Variants in PTPRM observed in about 807,000 individuals in gnomAD.
The protein encoded by PTPRM is receptor-type tyrosine-protein phosphatase mu.
Under a neutral mutation model 186.7 loss-of-function variants are expected in PTPRM, and 47 were observed. The observed-to-expected ratio is 0.25, with a 90% CI of 0.20 to 0.32. PTPRM has a LOEUF of 0.32. Among genes scored for constraint, PTPRM ranks in the 10% least tolerant of loss-of-function variants. The probability of loss-of-function intolerance (pLI) is 1.00; values close to 1 mark genes in which losing one functional copy is unlikely to be tolerated. For synonymous variants in PTPRM, 668 were observed against 674.9 expected, an observed-to-expected ratio of 0.99 and a Z score of 0.16; for missense variants, 1,494 against 1,865.0, an observed-to-expected ratio of 0.80 and a Z score of 3.66.
intron 1 of PTPRM, among the ~76,000 whole-genome samples, chr18:7,769,813 T>C (rs989395616): frequency 6.6e-6 from 1 of 152,186 alleles, no homozygotes; most frequent in Admixed American, 6.5e-5. Context: ...AGAACCTGTG[T>C]GTTGTATTCA....
chr18:8,299,154 G>A (rs1056251250), intron 20 of PTPRM, among the ~76,000 whole-genome samples: 2 of 152,152 alleles, frequency 1.3e-5, no homozygotes, highest in African/African-American at 4.8e-5. Flanking sequence ...CACTTGGCCC[G>A]TGTGGGTATT....
intron 7 of PTPRM, among the ~76,000 whole-genome samples, chr18:8,053,847 G>A (rs693630): frequency 0.65 from 98,649 of 151,804 alleles, 32,337 homozygotes; most frequent in African/African-American, 0.72. Flanking sequence ...ATTTTTATCT[G>A]TTATTGGTGT....
chr18:7,741,060 G>A (rs1365381182), intron 1 of PTPRM, among the ~76,000 whole-genome samples: 5 of 152,170 alleles, frequency 3.3e-5, no homozygotes, highest in Non-Finnish European at 5.9e-5. Flanking sequence ...TGTGTGTAGT[G>A]TAAATTCTTG....
intron 22 of PTPRM, among the ~76,000 whole-genome samples, chr18:8,324,798 A>G (rs2095365755): frequency 6.6e-6 from 1 of 152,220 alleles, no homozygotes; most frequent in Non-Finnish European, 1.5e-5. Context: ...TCACAGACCT[A>G]AAAGTGCAAA....
Position 8,094,211 on chromosome 18 carries a change from A to G in PTPRM, c.1856+5360A>G, listed in dbSNP as rs75999358. On this transcript the variant is annotated intron_variant, in intron 11 of 32. Coordinates refer to ENST00000580170, the MANE Select transcript of PTPRM (RefSeq NM_001105244.2). Reference sequence around the variant, plus strand: ...ACCTTGCAATGCAAAGTTTACCTTAAGATATAAATATTCTGGCCAGGTGCA... The same window carrying G: ...ACCTTGCAATGCAAAGTTTACCTTAGGATATAAATATTCTGGCCAGGTGCA... Among the ~76,000 whole-genome samples the G allele has an allele frequency of 4.2e-3, 644 of 152,268 alleles. 9 individuals carry two copies. Among genetic ancestry groups the G allele is most frequent in the African/African-American group, 0.015 (604 of 41,554 alleles).
At chr18:8,246,669 T>C (rs945506646) in intron 15 of PTPRM, among the ~76,000 whole-genome samples, 1 of 152,102 alleles carries the variant, frequency 6.6e-6, no homozygotes, top group Non-Finnish European at 1.5e-5. Context: ...TCCATTGTGC[T>C]CTTTTTCCAG....
Position 8,339,049 on chromosome 18 carries a change from G to A in PTPRM, c.2957-4374G>A, listed in dbSNP as rs73939440. On this transcript the variant is annotated intron_variant, in intron 22 of 32. Transcript: ENST00000580170. ...ACCCATCACCTGAATATTATACATT[G>A]TTGAAACGATGATTTTTGATATCTC... Among the ~76,000 whole-genome samples, 1,404 of 152,172 alleles carry A rather than the reference G, an allele frequency of 9.2e-3. 28 individuals carry two copies. The highest frequency in any genetic ancestry group is 0.032 in the African/African-American group (1,338 of 41,510).
intron 2 of PTPRM, among the ~76,000 whole-genome samples, chr18:7,778,394 T>C (rs957135651): frequency 1.3e-5 from 2 of 152,204 alleles, no homozygotes; most frequent in South Asian, 2.1e-4. Flanking sequence ...TTCTCTGTTA[T>C]CAGTGAGTGA....
intron 5 of PTPRM, among the ~76,000 whole-genome samples, chr18:7,947,548 C>A (rs574903422): frequency 1.3e-5 from 2 of 152,284 alleles, no homozygotes; most frequent in East Asian, 1.9e-4. Context: ...ATATAGCCTG[C>A]AAGTCCCTGA....
chr18:8,105,149 A>G (rs2091460149), intron 11 of PTPRM, among the ~76,000 whole-genome samples: 2 of 152,156 alleles, frequency 1.3e-5, no homozygotes, highest in Non-Finnish European at 2.9e-5. Flanking sequence ...AATGTCATTG[A>G]GTGGTAAAAC....
At position 8,377,783 on chromosome 18, in the gene PTPRM, ACTT is replaced by A. The variant is rs140067615; in HGVS notation, c.3463-479_3463-477del. On this transcript the variant is annotated intron_variant, in intron 26 of 32. Transcript: ENST00000580170. ...GATATATATGAGAACAGCTCTCTGT[ACTT>A]CTAAGAGGTTTCATAATCATATTAA... The A allele has an allele frequency of 6.2e-3, 953 of 152,934 alleles. 52 individuals carry two copies. In the East Asian group the frequency reaches 0.11, roughly 18 times the overall value. The allele number at this position is 152,934 out of a possible 1,614,324, so 9.5% of individuals were successfully genotyped here. A position where few individuals can be genotyped will look rare whatever the true frequency, so the allele number is the denominator to read the frequency against.
chr18:8,263,923 G>T (rs943015453), intron 19 of PTPRM, among the ~76,000 whole-genome samples: 2 of 152,140 alleles, frequency 1.3e-5, no homozygotes, highest in African/African-American at 2.4e-5. Flanking sequence ...TCTGTGAGCT[G>T]CTCTAGTGAA....
intron 13 of PTPRM, among the ~76,000 whole-genome samples, chr18:8,119,137 CATTTT>C (rs1468448271): frequency 6.6e-6 from 1 of 152,022 alleles, no homozygotes; most frequent in African/African-American, 2.4e-5. Flanking sequence ...TTGTAAGTAA[CATTTT>C]ATTTAAGTTA....
intron 14 of PTPRM, among the ~76,000 whole-genome samples, chr18:8,216,663 TC>T (rs2094090235): frequency 6.6e-6 from 1 of 152,260 alleles, no homozygotes; most frequent in African/African-American, 2.4e-5. Context: ...TTTTTGTTTT[TC>T]TTTCAACTGT....
chr18:8,296,318 CCT>C (rs2095096664), intron 19 of PTPRM, 48 bp from the exon 20 acceptor site: 2 of 1,180,798 alleles, frequency 1.7e-6, no homozygotes, highest in Non-Finnish European at 2.5e-6. Flanking sequence ...CGTTAAGATC[CCT>C]CTGTTTACTG....
In PTPRM at chr18:8,390,163, C is replaced by T. The variant is rs78429364; in HGVS notation, c.4208+2928C>T. 3.8e-3 allele frequency among the ~76,000 whole-genome samples: 581 copies of T among 152,270 alleles called. 9 individuals carry two copies. Among genetic ancestry groups the T allele is most frequent in the African/African-American group, 0.013 (545 of 41,542 alleles). On this transcript the variant is annotated intron_variant, in intron 31 of 32. Coordinates refer to ENST00000580170, the MANE Select transcript of PTPRM (RefSeq NM_001105244.2). ...AGAAGAGACAGTCCAGGGACAGATCCGTACCTCAGCGTCATCTGACTTACA... is the reference window on the plus strand; with the variant it reads ...AGAAGAGACAGTCCAGGGACAGATCTGTACCTCAGCGTCATCTGACTTACA...
chr18:7,985,252 C>G (rs1216606416), intron 7 of PTPRM, among the ~76,000 whole-genome samples: 1 of 74,954 alleles, frequency 1.3e-5, no homozygotes, highest in African/African-American at 6.7e-5. Flanking sequence ...TGTATATACA[C>G]ATATAAATAT....
intron 29 of PTPRM, among the ~76,000 whole-genome samples, chr18:8,384,199 C>T (rs893959238): frequency 4.6e-5 from 7 of 152,128 alleles, no homozygotes; most frequent in African/African-American, 9.7e-5. Flanking sequence ...ATCCCACATC[C>T]GTAATCCCAG....
intron 11 of PTPRM, among the ~76,000 whole-genome samples, chr18:8,098,544 T>A (rs1031961511): frequency 2.0e-5 from 3 of 152,156 alleles, no homozygotes; most frequent in Non-Finnish European, 4.4e-5. Context: ...AAGTTAAATA[T>A]CATGAACCTT....
Sources: allele counts gnomAD v4.1 joint callset (sites outside exome capture counted in the v4.1 genomes callset), GRCh38; gene constraint gnomAD v4.1.1; transcripts MANE v1.5; gene names NCBI Gene and HGNC (gene_info 2026-07-23, HGNC 2026-07-21).